INSL6: variants seen among roughly 807,000 people sequenced by gnomAD.
The protein encoded by INSL6 is insulin like 6, also known as insulin-like peptide INSL6.
In INSL6, 16 loss-of-function variants were observed where a neutral mutation model predicts 9.4. The ratio of observed to expected loss-of-function variants is 1.70; its 90% CI spans 1.15 to 2.59. The LOEUF is 2.59. Among genes scored for constraint, INSL6 ranks in the 30% most tolerant of loss-of-function variants. The pLI is 0.00. For missense variants in INSL6, 391 were observed against 257.3 expected (o/e 1.52, Z -3.56); for synonymous variants, 154 against 96.9 (o/e 1.59, Z -3.46).
chr9:5,024,727 A>T, the INSL6 span, among the ~76,000 whole-genome samples: 5 of 152,236 alleles, frequency 3.3e-5, no homozygotes, highest in South Asian at 1.0e-3. Flanking sequence ...AATGTTTTCA[A>T]TGAATATCTT....
At chr9:5,175,041 A>G (rs1194066346) in intron 1 of INSL6, among the ~76,000 whole-genome samples, 1 of 150,842 alleles carries the variant, frequency 6.6e-6, no homozygotes, top group Non-Finnish European at 1.5e-5. Context: ...CCGGGTTCAC[A>G]CCATTCTCCT....
At chr9:5,085,747 G>A in the INSL6 span, 2 of 754,508 alleles carry the variant, frequency 2.7e-6, no homozygotes, top group East Asian at 2.5e-5. Context: ...GTGGCGCGCT[G>A]GCTAGCTTGC....
rs1008645834 is a variant in INSL6, at chr9:5,133,858, C to G, written c.377-266G>C. 4.9e-4 allele frequency among the ~76,000 whole-genome samples: 74 copies of G among 151,998 alleles called. 2 individuals are homozygous for G. The highest frequency in any genetic ancestry group is 1.7e-3 in the African/African-American group (71 of 41,334). On this transcript the variant is annotated intron_variant, in intron 2 of 3. Coordinates refer to the INSL6 transcript ENST00000649639. ...ACTGAGAATGAGGTTGATGAATTGA[C>G]AGAAGTAGGCTTCAGAAGGTTGGTA... is the stretch of plus-strand genomic sequence containing the variant.
At chr9:5,153,430 T>G (rs1359347318) in intron 2 of INSL6, among the ~76,000 whole-genome samples, 18 of 152,174 alleles carry the variant, frequency 1.2e-4, no homozygotes, top group Non-Finnish European at 8.8e-5. Context: ...ACTGGGAAGT[T>G]TGAACAGGGT....
At chr9:5,007,253 AT>A in the INSL6 span, among the ~76,000 whole-genome samples, 1 of 152,160 alleles carries the variant, frequency 6.6e-6, no homozygotes, top group African/African-American at 2.4e-5. Flanking sequence ...GATTATGAAT[AT>A]CTTAGTATAC....
At chr9:5,052,457 AT>A in the INSL6 span, among the ~76,000 whole-genome samples, 1 of 151,988 alleles carries the variant, frequency 6.6e-6, no homozygotes, top group African/African-American at 2.4e-5. Context: ...AAACATTCAT[AT>A]AAGATTCCAT....
At chr9:5,116,106 C>T in the INSL6 span, among the ~76,000 whole-genome samples, 15 of 151,870 alleles carry the variant, frequency 9.9e-5, no homozygotes, top group Non-Finnish European at 2.1e-4. Context: ...TTACATTGGG[C>T]TAAATGCATT....
At chr9:5,006,395 G>A in the INSL6 span, among the ~76,000 whole-genome samples, 1 of 152,102 alleles carries the variant, frequency 6.6e-6, no homozygotes, top group African/African-American at 2.4e-5. Flanking sequence ...TTTGGGCTGA[G>A]ACAATGGGGT....
intron 2 of INSL6, among the ~76,000 whole-genome samples, chr9:5,141,494 A>G (rs1291769917): frequency 6.6e-6 from 1 of 152,082 alleles, no homozygotes; most frequent in Admixed American, 6.5e-5. Flanking sequence ...GGCCACATGT[A>G]TGTCTTCTTT....
At chr9:5,153,116 T>C (rs1229185177) in intron 2 of INSL6, among the ~76,000 whole-genome samples, 1 of 151,656 alleles carries the variant, frequency 6.6e-6, no homozygotes, top group Non-Finnish European at 1.5e-5. Flanking sequence ...GGCCAGCTGT[T>C]TGGGCAGACA....
At chr9:5,039,457 A>G in the INSL6 span, among the ~76,000 whole-genome samples, 4 of 152,168 alleles carry the variant, frequency 2.6e-5, no homozygotes, top group Admixed American at 2.6e-4. Context: ...TGCAAATACT[A>G]TGCCTTTGTA....
At chr9:5,127,997 G>A in intron 3 of INSL6, 1 of 231,756 alleles carries the variant, frequency 4.3e-6, no homozygotes, top group Non-Finnish European at 8.5e-6. Context: ...TTTCAATTAA[G>A]TATAAGGGGT....
chr9:5,168,412 G>A (rs906126899), intron 1 of INSL6, among the ~76,000 whole-genome samples: 4 of 152,050 alleles, frequency 2.6e-5, no homozygotes, highest in East Asian at 1.9e-4. Flanking sequence ...AACACAACAC[G>A]TGAACTTCAC....
chr9:4,998,215 G>T, the INSL6 span, among the ~76,000 whole-genome samples: 3 of 151,954 alleles, frequency 2.0e-5, no homozygotes, highest in African/African-American at 7.3e-5. Context: ...GAATATGATG[G>T]TATTGAAATG....
At chr9:5,002,153 A>G in the INSL6 span, among the ~76,000 whole-genome samples, 23 of 151,632 alleles carry the variant, frequency 1.5e-4, no homozygotes, top group Admixed American at 1.2e-3. Flanking sequence ...GATTTTCTTT[A>G]TTGTTTTATA....
At chr9:5,021,921 C>T in the INSL6 span, 1 of 1,216,376 alleles carries the variant, frequency 8.2e-7, no homozygotes, top group East Asian at 2.4e-5. Context: ...GTGTGAGACA[C>T]TGCGCCCAGC....
intron 3 of INSL6, chr9:5,126,315 A>G: frequency 6.6e-7 from 1 of 1,525,602 alleles, no homozygotes; most frequent in Non-Finnish European, 9.0e-7. Flanking sequence ...AAAAATATTG[A>G]AAGTGGGTTT....
the INSL6 span, among the ~76,000 whole-genome samples, chr9:5,015,881 A>G: frequency 1.3e-5 from 2 of 150,672 alleles, no homozygotes; most frequent in East Asian, 1.9e-4. Flanking sequence ...CGATTGTGTC[A>G]TATTAAAATA....
chr9:5,107,153 C>A, the INSL6 span, among the ~76,000 whole-genome samples: 1 of 152,098 alleles, frequency 6.6e-6, no homozygotes, highest in African/African-American at 2.4e-5. Flanking sequence ...TGATGAGGAT[C>A]CTACTCTTTT....
Sources: gnomAD v4.1 joint callset for allele counts (sites outside exome capture counted in the v4.1 genomes callset) on GRCh38, gnomAD v4.1.1 for gene constraint, MANE v1.5 for transcripts, NCBI Gene and HGNC (gene_info 2026-07-23, HGNC 2026-07-21) for gene names.